The following VRK2 variants were observed in gnomAD, a reference collection of about 807,000 sequenced individuals.
VRK2 encodes VRK serine/threonine kinase 2, also known as serine/threonine-protein kinase VRK2.
Under a neutral mutation model 57.6 loss-of-function variants are expected in VRK2, and 60 were observed. That is an observed-to-expected ratio of 1.04 (90% CI 0.85 to 1.29). VRK2 has a LOEUF of 1.29. Ranked by LOEUF, VRK2 falls within the 50% of genes most tolerant of loss-of-function variation. The pLI, the probability that VRK2 is intolerant of heterozygous loss-of-function variation, is 0.00. For missense variants in VRK2, 705 were observed against 588.1 expected, an observed-to-expected ratio of 1.20 and a Z score of -2.06; for synonymous variants, 231 against 199.2, an observed-to-expected ratio of 1.16 and a Z score of -1.35.
At chr2:58,063,656 T>A (rs1341061137) in intron 2 of VRK2, among the ~76,000 whole-genome samples, 1 of 152,138 alleles carries the variant, frequency 6.6e-6, no homozygotes, top group Non-Finnish European at 1.5e-5. Context: ...AGATTAATGT[T>A]GTTTTCATGC....
chr2:57,982,727 G>A (rs754836787), intron 1 of VRK2, among the ~76,000 whole-genome samples: 1 of 152,160 alleles, frequency 6.6e-6, no homozygotes, highest in Non-Finnish European at 1.5e-5. Flanking sequence ...GACTTACCCT[G>A]TCCCACAAGC....
chr2:58,019,157 T>C (rs1427619679), intron 1 of VRK2, among the ~76,000 whole-genome samples: 1 of 152,190 alleles, frequency 6.6e-6, no homozygotes, highest in Non-Finnish European at 1.5e-5. Flanking sequence ...TCAAAAAATA[T>C]TTGTGGAATT....
At chr2:58,124,940 G>A (rs1346236869) in intron 8 of VRK2, among the ~76,000 whole-genome samples, 2 of 151,958 alleles carry the variant, frequency 1.3e-5, no homozygotes, top group African/African-American at 4.8e-5. Flanking sequence ...AAATTAGTGA[G>A]AATTTAAAGA....
chr2:58,147,208 T>C (rs762738548), intron 12 of VRK2: 1 of 517,676 alleles, frequency 1.9e-6, no homozygotes, highest in Non-Finnish European at 3.9e-6. Context: ...TGAATTTGGC[T>C]CTGAACTTCT....
intron 1 of VRK2, among the ~76,000 whole-genome samples, chr2:57,973,719 A>G (rs80284681): frequency 0.034 from 5,112 of 151,964 alleles, 143 homozygotes; most frequent in South Asian, 0.11. Flanking sequence ...ATCATTTTCA[A>G]GAGCTAAAAT....
chr2:58,085,877 T>A (rs1196757179), intron 4 of VRK2, among the ~76,000 whole-genome samples: 1 of 151,198 alleles, frequency 6.6e-6, no homozygotes, highest in African/African-American at 2.4e-5. Flanking sequence ...AGTTTTTGTA[T>A]AAAGTAATTT....
chr2:58,092,946 G>C (rs1219384745), intron 7 of VRK2, among the ~76,000 whole-genome samples: 4 of 152,162 alleles, frequency 2.6e-5, no homozygotes, highest in Non-Finnish European at 4.4e-5. Flanking sequence ...AGTTTCCTGA[G>C]AATGATGGTT....
chr2:58,020,722 T>C (rs1314751334), intron 1 of VRK2, among the ~76,000 whole-genome samples: 1 of 152,254 alleles, frequency 6.6e-6, no homozygotes, highest in Non-Finnish European at 1.5e-5. Flanking sequence ...GTATAACTTT[T>C]TGTACAACTG....
In VRK2 at chr2:58,022,374, A is replaced by G. The variant is rs567087110; in HGVS notation, c.-438-3291A>G. Among the ~76,000 whole-genome samples, 17 of 152,340 alleles carry G rather than the reference A, an allele frequency of 1.1e-4. No individual in the cohort carries two copies. The South Asian group carries it at 1.2e-3, about 11-fold the overall frequency. On this transcript the variant is annotated intron_variant, in intron 1 of 15. Coordinates refer to the VRK2 transcript ENST00000417641. ...CTTGACAGTCATGGATACATTGCCT[A>G]GAGTTCACAGTGGGAAAATGTGAAT...
chr2:58,134,715 C>G (rs992700789), intron 9 of VRK2, among the ~76,000 whole-genome samples: 3 of 151,906 alleles, frequency 2.0e-5, no homozygotes, highest in African/African-American at 7.3e-5. Flanking sequence ...CAGTCACATT[C>G]CTACACAGCT....
intron 1 of VRK2, among the ~76,000 whole-genome samples, chr2:58,002,700 C>T (rs546715509): frequency 6.6e-6 from 1 of 152,120 alleles, no homozygotes; most frequent in African/African-American, 2.4e-5. Context: ...AGAATTGGTC[C>T]AAATTTAAAG....
At chr2:57,965,248 G>A (rs1464864142) in intron 1 of VRK2, among the ~76,000 whole-genome samples, 3 of 152,218 alleles carry the variant, frequency 2.0e-5, no homozygotes, top group Non-Finnish European at 1.5e-5. Context: ...CCACAGCTAA[G>A]GGTGAGTCCT....
At chr2:58,088,114 A>G (rs1449011282) in intron 5 of VRK2, among the ~76,000 whole-genome samples, 2 of 152,388 alleles carry the variant, frequency 1.3e-5, no homozygotes, top group East Asian at 3.9e-4. Flanking sequence ...AACAGTGTGA[A>G]TGGTTCAGTA....
At chr2:58,040,744 T>G (rs990522442) in intron 3 of VRK2, among the ~76,000 whole-genome samples, 3 of 152,206 alleles carry the variant, frequency 2.0e-5, no homozygotes, top group African/African-American at 4.8e-5. Context: ...GTAAGCTATG[T>G]GTCAACAGTA....
intron 12 of VRK2, among the ~76,000 whole-genome samples, chr2:58,150,662 C>T (rs1427877895): frequency 7.0e-6 from 1 of 142,300 alleles, no homozygotes; most frequent in Non-Finnish European, 1.5e-5. Context: ...TTATCATTTG[C>T]TTGATTCTAC....
At position 58,089,613 on chromosome 2, in the gene VRK2, A is replaced by G. The variant is rs1672093045; in HGVS notation, c.451-18A>G. ...TCTAAATAGCAGTAAACCTTATTTT[A>G]TCTATTTATTTTCACAGTTGGATGT... On this transcript the variant is annotated intron_variant, in intron 6 of 12. Transcript: ENST00000340157. 6.7e-7 allele frequency: 1 copy of G among 1,491,298 alleles called. No homozygotes were observed. The allele number at this position is 1,491,298 out of a possible 1,614,324, so 92.4% of individuals were successfully genotyped here.
chr2:58,025,566 A>G (rs1483655464), intron 1 of VRK2: 1 of 152,196 alleles, frequency 6.6e-6, no homozygotes, highest in African/African-American at 2.4e-5. Flanking sequence ...GCTCAAGGTT[A>G]TTTTATAAAT....
intron 1 of VRK2, among the ~76,000 whole-genome samples, chr2:57,915,918 G>C (rs990955520): frequency 6.6e-6 from 1 of 152,088 alleles, no homozygotes; most frequent in Admixed American, 6.6e-5. Flanking sequence ...GTGGGATCTA[G>C]GTTGCACGCT....
intron 2 of VRK2, among the ~76,000 whole-genome samples, chr2:58,025,991 C>T (rs1673911832): frequency 6.6e-6 from 1 of 152,118 alleles, no homozygotes; most frequent in South Asian, 2.1e-4. Context: ...CAGATGACTA[C>T]TCCTTATGCA....
Sources: gnomAD v4.1 joint callset for allele counts (sites outside exome capture counted in the v4.1 genomes callset) on GRCh38, gnomAD v4.1.1 for gene constraint, MANE v1.5 for transcripts, NCBI Gene and HGNC (gene_info 2026-07-23, HGNC 2026-07-21) for gene names.